Variants in LINC02747 observed in about 807,000 individuals in gnomAD.
The protein encoded by LINC02747 is long independently transcribed non-coding RNA 2747, also known as CCND1-upstream intergenic DNA repair 2.
At chr11:69,476,650 G>A (rs781590403) in exon 2 of LINC02747, 2 of 152,160 alleles carry the variant, frequency 1.3e-5, no homozygotes, top group Non-Finnish European at 2.9e-5. Context: ...AGGGGGTCGT[G>A]GGCCTGTCAG....
At chr11:69,479,109 G>T (rs1209350787) in intron 1 of LINC02747, among the ~76,000 whole-genome samples, 2 of 151,542 alleles carry the variant, frequency 1.3e-5, no homozygotes, top group African/African-American at 4.9e-5. Context: ...ACAAAAAATT[G>T]ACGGGCATAA....
At chr11:69,478,054 T>C (rs558299755) in intron 1 of LINC02747, among the ~76,000 whole-genome samples, 1 of 152,126 alleles carries the variant, frequency 6.6e-6, no homozygotes, top group East Asian at 1.9e-4. Flanking sequence ...TGGGTGCAAG[T>C]TCTTTCTCCG....
intron 1 of LINC02747, among the ~76,000 whole-genome samples, chr11:69,478,087 C>G (rs1163415357): frequency 6.6e-6 from 1 of 152,150 alleles, no homozygotes; most frequent in Non-Finnish European, 1.5e-5. Context: ...GGGCTGCTAA[C>G]AAATGAATAA....
At chr11:69,480,814 G>A (rs1857041791) in intron 1 of LINC02747, among the ~76,000 whole-genome samples, 1 of 152,226 alleles carries the variant, frequency 6.6e-6, no homozygotes, top group Non-Finnish European at 1.5e-5. Flanking sequence ...TTTCGGAGAG[G>A]TCAGGAGTTG....
chr11:69,478,188 G>A (rs1857013771), intron 1 of LINC02747, among the ~76,000 whole-genome samples: 1 of 152,214 alleles, frequency 6.6e-6, no homozygotes, highest in Admixed American at 6.5e-5. Context: ...TGGATAGAAT[G>A]ATCAGAAAAA....
exon 2 of LINC02747, chr11:69,476,430 G>A (rs958457552): frequency 6.6e-6 from 1 of 152,210 alleles, no homozygotes; most frequent in African/African-American, 2.4e-5. Flanking sequence ...CACGTGCCTG[G>A]GGAGAGCTGC....
intron 1 of LINC02747, chr11:69,481,302 G>C (rs1177513337): frequency 6.6e-6 from 1 of 152,302 alleles, no homozygotes; most frequent in African/African-American, 2.4e-5. Flanking sequence ...GTCCCCACCA[G>C]AATCTCTCAG....
intron 1 of LINC02747, among the ~76,000 whole-genome samples, chr11:69,481,089 C>T (rs530036896): frequency 9.1e-4 from 139 of 152,338 alleles, no homozygotes; most frequent in African/African-American, 3.2e-3. Flanking sequence ...TTACACCAAG[C>T]ACAGCTACAA....
chr11:69,481,470 C>G (rs1347748016), exon 1 of LINC02747: 2 of 152,392 alleles, frequency 1.3e-5, no homozygotes, highest in Non-Finnish European at 2.9e-5. Context: ...CTCTGACAGT[C>G]CAGGCTGATG....
In LINC02747 at chr11:69,479,653, G is replaced by A. The variant is rs185125811; in HGVS notation, n.120+1773C>T. 1.2e-3 allele frequency: 181 copies of A among 152,304 alleles called. 1 individual carries two copies. The highest frequency in any genetic ancestry group is 6.4e-3 in the Admixed American group (98 of 15,288). 9.4% of individuals were successfully genotyped at this position (152,304 alleles called of 1,614,324 possible). The stretch of plus-strand genomic sequence containing the variant: ...CTCCAGCCTCTTGGCTTGCACTCTC[G>A]GCCTCTGCACGCAGCCTTATCTTCC... On this transcript the variant is annotated intron_variant and non_coding_transcript_variant, in intron 1 of 1. Coordinates refer to ENST00000645449, the Ensembl canonical transcript of LINC02747.
intron 1 of LINC02747, among the ~76,000 whole-genome samples, chr11:69,480,652 C>T (rs1857040052): frequency 6.6e-6 from 1 of 152,208 alleles, no homozygotes; most frequent in Non-Finnish European, 1.5e-5. Flanking sequence ...ACATCATCAT[C>T]CGGACTCAAC....
chr11:69,479,376 T>G (rs1857027444), intron 1 of LINC02747, among the ~76,000 whole-genome samples: 1 of 151,886 alleles, frequency 6.6e-6, no homozygotes, highest in South Asian at 2.1e-4. Context: ...CATCTCAGTG[T>G]CAGCATGTGA....
chr11:69,480,992 C>A lies in LINC02747; in HGVS notation n.120+434G>T, dbSNP rs573162231. On this transcript the variant is annotated intron_variant and non_coding_transcript_variant, in intron 1 of 1. Coordinates refer to ENST00000645449, the Ensembl canonical transcript of LINC02747. ...CAGGCCTGAGTGCACAGCCCGCTAG[C>A]AACTGTGTAACAGGTGCCAGGCACC... 1.9e-4 allele frequency among the ~76,000 whole-genome samples: 29 copies of A among 152,332 alleles called. 1 individual carries two copies. In the South Asian group the frequency reaches 6.0e-3, roughly 32 times the overall value.
exon 2 of LINC02747, chr11:69,477,399 A>C (rs1857005752): frequency 6.6e-6 from 1 of 152,278 alleles, no homozygotes; most frequent in African/African-American, 2.4e-5. Flanking sequence ...CGCCTAGCCC[A>C]GTAGCCTGGG....
At chr11:69,480,118 G>A (rs1021029772) in intron 1 of LINC02747, among the ~76,000 whole-genome samples, 1 of 152,186 alleles carries the variant, frequency 6.6e-6, no homozygotes. Context: ...CTGGCTCAAC[G>A]GCTTTATCTG....
At chr11:69,476,814 AG>A (rs1857000230) in exon 2 of LINC02747, 1 of 152,224 alleles carries the variant, frequency 6.6e-6, no homozygotes, top group Non-Finnish European at 1.5e-5. Flanking sequence ...TTCTCAAATT[AG>A]GCCACAGGGA....
chr11:69,481,436 C>G (rs1397783854), exon 1 of LINC02747: 1 of 152,480 alleles, frequency 6.6e-6, no homozygotes, highest in African/African-American at 2.4e-5. Flanking sequence ...CCCCTCGAAC[C>G]CAGCAGTCAC....
chr11:69,479,303 G>A (rs1368925799), intron 1 of LINC02747, among the ~76,000 whole-genome samples: 1 of 144,224 alleles, frequency 6.9e-6, no homozygotes. Context: ...GAGAGAGAGA[G>A]AAAAGAAAAA....
intron 1 of LINC02747, chr11:69,481,376 C>A: frequency 6.6e-6 from 1 of 152,574 alleles, no homozygotes; most frequent in Non-Finnish European, 1.5e-5. Context: ...GGTCCAGAGT[C>A]CAGCCAACTT....
Sources: gnomAD v4.1 joint callset for allele counts (sites outside exome capture counted in the v4.1 genomes callset) on GRCh38, gnomAD v4.1.1 for gene constraint, MANE v1.5 for transcripts, NCBI Gene and HGNC (gene_info 2026-07-23, HGNC 2026-07-21) for gene names.